Variants in CADM2 observed in about 807,000 individuals in gnomAD.
CADM2 encodes immunoglobulin superfamily member 4D.
In CADM2, 12 loss-of-function variants were observed where a neutral mutation model predicts 49.8. The ratio of observed to expected loss-of-function variants is 0.24; its 90% confidence interval spans 0.15 to 0.39. The LOEUF (loss-of-function observed/expected upper bound fraction) is 0.39. CADM2 is among the 10% of genes least tolerant of loss of function. CADM2 has a pLI of 1.00. For synonymous variants in CADM2, 214 were observed against 175.4 expected, an observed-to-expected ratio of 1.22 and a Z score of -1.74; for missense variants, 378 against 492.3, an observed-to-expected ratio of 0.77 and a Z score of 2.20.
At chr3:85,607,306 A>C (rs982702656) in intron 1 of CADM2, among the ~76,000 whole-genome samples, 3 of 152,150 alleles carry the variant, frequency 2.0e-5, no homozygotes, top group Non-Finnish European at 2.9e-5. Context: ...ACATAATTTC[A>C]GAGAATCTTG....
intron 1 of CADM2, among the ~76,000 whole-genome samples, chr3:85,421,662 G>T (rs1362506038): frequency 6.6e-6 from 1 of 152,060 alleles, no homozygotes; most frequent in Non-Finnish European, 1.5e-5. Flanking sequence ...CACATTATTT[G>T]TGCTTTGCTG....
intron 8 of CADM2, among the ~76,000 whole-genome samples, chr3:85,979,573 A>G (rs559609794): frequency 1.3e-5 from 2 of 151,734 alleles, no homozygotes; most frequent in African/African-American, 4.8e-5. Flanking sequence ...CATGGGACAC[A>G]GTTTTTGCCT....
At chr3:85,925,385 A>G (rs1719697223) in intron 6 of CADM2, among the ~76,000 whole-genome samples, 1 of 152,222 alleles carries the variant, frequency 6.6e-6, no homozygotes, top group African/African-American at 2.4e-5. Context: ...CATTCACTAA[A>G]ATCGAAAGAA....
At chr3:85,289,517 A>G (rs1419749723) in intron 1 of CADM2, among the ~76,000 whole-genome samples, 2 of 152,198 alleles carry the variant, frequency 1.3e-5, no homozygotes, top group Non-Finnish European at 2.9e-5. Flanking sequence ...CAGCCAGTCA[A>G]GCCCCAACAT....
At chr3:85,065,160 T>C (rs1005231035) in intron 1 of CADM2, among the ~76,000 whole-genome samples, 1 of 152,120 alleles carries the variant, frequency 6.6e-6, no homozygotes, top group African/African-American at 2.4e-5. Context: ...ACAATCTTGG[T>C]TGTAATCTGA....
At chr3:85,937,712 C>T (rs1292891453) in intron 7 of CADM2, among the ~76,000 whole-genome samples, 1 of 151,908 alleles carries the variant, frequency 6.6e-6, no homozygotes, top group Non-Finnish European at 1.5e-5. Context: ...TCACTGTTGC[C>T]ATCCTCCTTT....
At position 86,012,822 on chromosome 3, in the gene CADM2, A is replaced by T. The variant is rs181513507; in HGVS notation, c.970+51175A>T. 5.5e-6 allele frequency: 3 copies of T among 542,328 alleles called. No homozygotes were observed. In the Admixed American group the frequency reaches 9.3e-5, roughly 17 times the overall value. 33.6% of individuals were successfully genotyped at this position (542,328 alleles called of 1,614,324 possible). The stretch of plus-strand genomic sequence containing the variant: ...AAACCCCGTCTCTACTAAAAATACA[A>T]AAATTAGCCGGGAGCGGTGGCGGGC... On this transcript the variant is annotated intron_variant, in intron 8 of 9. Coordinates refer to ENST00000383699, the MANE Select transcript of CADM2 (RefSeq NM_001167675.2).
chr3:85,568,481 T>C lies in CADM2; in HGVS notation c.62-158041T>C, dbSNP rs1335530863. Among the ~76,000 whole-genome samples the C allele has an allele frequency of 1.7e-3, 84 of 49,642 alleles. 2 individuals carry two copies. The highest frequency in any genetic ancestry group is 3.5e-3 in the East Asian group (2 of 568). 32.6% of individuals were successfully genotyped at this position (49,642 alleles called of 152,430 possible). On this transcript the variant is annotated intron_variant, in intron 1 of 9. Transcript: ENST00000383699. ...TTTCTTTCTCTTTCTCTCTCTTTCT[T>C]TCTTTCTTTCTTTCTTTCTTTCTTT...
intron 1 of CADM2, among the ~76,000 whole-genome samples, chr3:85,280,373 T>G (rs1196949992): frequency 6.6e-6 from 1 of 151,626 alleles, no homozygotes; most frequent in Non-Finnish European, 1.5e-5. Flanking sequence ...GCATCTGTCA[T>G]TCTACTCTCC....
intron 1 of CADM2, among the ~76,000 whole-genome samples, chr3:85,172,774 G>A (rs1023705045): frequency 3.3e-5 from 5 of 150,412 alleles, no homozygotes; most frequent in African/African-American, 4.9e-5. Flanking sequence ...GTAATTGGTG[G>A]CTCTGCGCAT....
intron 2 of CADM2, among the ~76,000 whole-genome samples, chr3:85,743,934 G>A (rs1243904138): frequency 2.0e-5 from 3 of 151,966 alleles, no homozygotes; most frequent in Non-Finnish European, 4.4e-5. Context: ...TAATTATTAG[G>A]CAAGTTCTAC....
At chr3:85,129,939 C>T (rs1201957338) in intron 1 of CADM2, among the ~76,000 whole-genome samples, 3 of 152,122 alleles carry the variant, frequency 2.0e-5, no homozygotes, top group Non-Finnish European at 2.9e-5. Context: ...TTTGTTGATG[C>T]CTTCCACGCT....
chr3:85,880,186 C>G (rs1403483366), intron 3 of CADM2, among the ~76,000 whole-genome samples: 2 of 152,184 alleles, frequency 1.3e-5, no homozygotes, highest in African/African-American at 4.8e-5. Flanking sequence ...ATATAATTGA[C>G]ACAGTCTACT....
At chr3:85,128,013 C>T (rs2039094867) in intron 1 of CADM2, among the ~76,000 whole-genome samples, 1 of 152,052 alleles carries the variant, frequency 6.6e-6, no homozygotes, top group African/African-American at 2.4e-5. Flanking sequence ...ATTTCAAGTC[C>T]TCAAGAAACG....
At chr3:85,448,681 C>T (rs1330114297) in intron 1 of CADM2, among the ~76,000 whole-genome samples, 1 of 151,998 alleles carries the variant, frequency 6.6e-6, no homozygotes, top group Admixed American at 6.6e-5. Context: ...GACAAAGTTA[C>T]TTAATCATTT....
intron 1 of CADM2, among the ~76,000 whole-genome samples, chr3:85,321,184 A>C (rs1256293987): frequency 3.7e-4 from 34 of 91,704 alleles, no homozygotes; most frequent in Non-Finnish European, 5.8e-4. Context: ...AGAGAAAGAA[A>C]GAGAGAGAGA....
chr3:84,985,632 A>G (rs927690899), intron 1 of CADM2, among the ~76,000 whole-genome samples: 3 of 152,138 alleles, frequency 2.0e-5, no homozygotes, highest in East Asian at 1.9e-4. Flanking sequence ...CACATACCCC[A>G]TTTAAAATTA....
chr3:85,009,636 C>A (rs1221657584), intron 1 of CADM2, among the ~76,000 whole-genome samples: 2 of 152,162 alleles, frequency 1.3e-5, no homozygotes, highest in Non-Finnish European at 2.9e-5. Flanking sequence ...GAAGCCAAGG[C>A]GGACGGATTG....
At chr3:85,326,303 T>A (rs818220) in intron 1 of CADM2, among the ~76,000 whole-genome samples, 34,533 of 152,064 alleles carry the variant, frequency 0.23, 6,317 homozygotes, top group African/African-American at 0.51. Flanking sequence ...AAAAAATTGA[T>A]GACAAGAAAA....
Sources: allele counts gnomAD v4.1 joint callset (sites outside exome capture counted in the v4.1 genomes callset), GRCh38; gene constraint gnomAD v4.1.1; transcripts MANE v1.5; gene names NCBI Gene and HGNC (gene_info 2026-07-23, HGNC 2026-07-21).